Variants in MAP3K13 observed in about 807,000 individuals in gnomAD.
The protein encoded by MAP3K13 is leucine zipper-bearing kinase.
MAP3K13 carries 52 observed loss-of-function variants against 104.0 expected under a neutral mutation model. That is an observed-to-expected ratio of 0.50 (90% CI 0.40 to 0.63). MAP3K13 has a LOEUF of 0.63. Among genes scored for constraint, MAP3K13 ranks in the 20% least tolerant of loss-of-function variants. MAP3K13 has a pLI of 0.00. For synonymous variants in MAP3K13, 394 were observed against 442.2 expected (o/e 0.89, Z 1.37); for missense variants, 914 against 1,218.5 (o/e 0.75, Z 3.72).
chr3:185,462,494 C>T (rs1347716504), intron 7 of MAP3K13, among the ~76,000 whole-genome samples: 2 of 151,986 alleles, frequency 1.3e-5, no homozygotes, highest in Non-Finnish European at 2.9e-5. Flanking sequence ...AAAACAGGGC[C>T]GGGTGCGGTG....
upstream of MAP3K13, among the ~76,000 whole-genome samples, chr3:185,359,604 A>G (rs1723521252): frequency 6.6e-6 from 1 of 152,172 alleles, no homozygotes; most frequent in African/African-American, 2.4e-5. Context: ...AAATCTTTAC[A>G]TGTGTTATAA....
chr3:185,418,308 T>C lies in MAP3K13; in HGVS notation c.-85-10189T>C. ...CCTTGGTCTTCTTGTAGCCTTCAACTTTATCTTCAAATACCAAAGGAAGTT... is the reference window on the plus strand; with the variant it reads ...CCTTGGTCTTCTTGTAGCCTTCAACCTTATCTTCAAATACCAAAGGAAGTT... On this transcript the variant is annotated intron_variant, in intron 1 of 13. Transcript: ENST00000265026. This position sits in a 1 kb window ranked among gnomAD's most constrained non-coding sequence, Gnocchi z 4.5. 2 of 1,583,088 alleles carry C rather than the reference T, an allele frequency of 1.3e-6. No homozygotes were observed. The highest frequency in any genetic ancestry group is 1.7e-6 in the Non-Finnish European group (2 of 1,153,608).
At chr3:185,353,409 T>C (rs1477796065) in intron 2 of MAP3K13, among the ~76,000 whole-genome samples, 1 of 152,230 alleles carries the variant, frequency 6.6e-6, no homozygotes, top group Non-Finnish European at 1.5e-5. Flanking sequence ...GCTCAGTATT[T>C]GCCTTATTTG....
chr3:185,291,903 C>CAAA (rs139816082), intron 2 of MAP3K13: 1,403 of 910,944 alleles, frequency 1.5e-3, no homozygotes, highest in East Asian at 5.1e-3. Context: ...CAGTGCTTTC[C>CAAA]AAAAAAAAAA....
At position 185,330,978 on chromosome 3, in the gene MAP3K13, C is replaced by G. The variant is rs145025336; in HGVS notation, c.-86+45335C>G. Among the ~76,000 whole-genome samples, 175 of 152,178 alleles carry G rather than the reference C, an allele frequency of 1.1e-3. 1 individual carries two copies. The highest frequency in any genetic ancestry group is 3.9e-3 in the African/African-American group (163 of 41,532). On this transcript the variant is annotated intron_variant, in intron 2 of 14. Transcript: ENST00000424227. ...TCATTGTTTCTTCCCAGCCTTCATT[C>G]GGGTCTCTATTCAAATAGCTCCTCC...
chr3:185,318,855 A>T (rs1044221172), intron 2 of MAP3K13, among the ~76,000 whole-genome samples: 12 of 152,222 alleles, frequency 7.9e-5, no homozygotes, highest in African/African-American at 2.9e-4. Flanking sequence ...CTATACAGAG[A>T]ACATTTGTGT....
At chr3:185,308,750 C>A (rs558966482) in intron 2 of MAP3K13, among the ~76,000 whole-genome samples, 2 of 152,202 alleles carry the variant, frequency 1.3e-5, no homozygotes, top group African/African-American at 4.8e-5. Context: ...CTATCCTTTT[C>A]TTTCCCTTCT....
intron 7 of MAP3K13, among the ~76,000 whole-genome samples, chr3:185,455,512 A>ACATATATAT (rs1246627740): frequency 1.3e-4 from 2 of 15,424 alleles, no homozygotes; most frequent in South Asian, 3.0e-3. Context: ...GATATATATG[A>ACATATATAT]GATATATATG....
intron 2 of MAP3K13, among the ~76,000 whole-genome samples, chr3:185,346,369 T>G (rs941542270): frequency 1.3e-5 from 2 of 152,226 alleles, no homozygotes; most frequent in Non-Finnish European, 2.9e-5. Context: ...ATGTATGATC[T>G]GTATCCTTCA....
intron 1 of MAP3K13, 77 bp from the exon 2 acceptor site, chr3:185,428,420 T>C: frequency 1.1e-6 from 1 of 952,288 alleles, no homozygotes; most frequent in East Asian, 2.8e-5. Context: ...TTTCAGTTTT[T>C]TTTAATGCAA....
intron 1 of MAP3K13, among the ~76,000 whole-genome samples, chr3:185,419,210 C>T (rs573359039): frequency 2.0e-5 from 3 of 152,112 alleles, no homozygotes; most frequent in Non-Finnish European, 2.9e-5. Flanking sequence ...CCATGTTGGC[C>T]AGGCTGGTCT....
intron 3 of MAP3K13, among the ~76,000 whole-genome samples, chr3:185,439,419 GCAGA>G (rs1265955673): frequency 1.3e-5 from 2 of 151,992 alleles, no homozygotes; most frequent in Admixed American, 1.3e-4. Flanking sequence ...ATTATTTCAA[GCAGA>G]CAGACAAACA....
intron 1 of MAP3K13, among the ~76,000 whole-genome samples, chr3:185,410,700 C>T (rs1172390195): frequency 4.0e-5 from 6 of 151,880 alleles, no homozygotes; most frequent in East Asian, 1.9e-4. Flanking sequence ...TTTGGGAGGC[C>T]GAGGTGGGTG....
intron 1 of MAP3K13, among the ~76,000 whole-genome samples, chr3:185,380,159 C>A (rs1724635313): frequency 6.6e-6 from 1 of 150,868 alleles, no homozygotes; most frequent in East Asian, 2.0e-4. Context: ...GCCCTACAGC[C>A]TAGGCGACAA....
chr3:185,368,804 A>G (rs1181626774), intron 1 of MAP3K13, among the ~76,000 whole-genome samples: 1 of 152,008 alleles, frequency 6.6e-6, no homozygotes, highest in Non-Finnish European at 1.5e-5. Flanking sequence ...TAAAAATACA[A>G]AAAAATTAGC....
intron 2 of MAP3K13, among the ~76,000 whole-genome samples, chr3:185,313,299 G>A (rs1252704866): frequency 1.4e-5 from 2 of 138,846 alleles, no homozygotes; most frequent in African/African-American, 2.7e-5. Flanking sequence ...AAATGGAGTC[G>A]CACTCTTTCA....
At chr3:185,344,500 A>C (rs185581029) in intron 2 of MAP3K13, among the ~76,000 whole-genome samples, 16 of 152,320 alleles carry the variant, frequency 1.1e-4, no homozygotes, top group Admixed American at 6.5e-4. Context: ...TACACTATAC[A>C]TGGCAGTAGA....
chr3:185,437,315 G>C, intron 2 of MAP3K13, 132 bp from the exon 3 acceptor site: 1 of 677,034 alleles, frequency 1.5e-6, no homozygotes, highest in Non-Finnish European at 2.5e-6. Flanking sequence ...ACATAGGAAG[G>C]TTCTATCTTT....
chr3:185,338,603 C>G (rs1722599944), intron 2 of MAP3K13, among the ~76,000 whole-genome samples: 1 of 151,982 alleles, frequency 6.6e-6, no homozygotes, highest in Admixed American at 6.6e-5. Context: ...ACAGAAGTTG[C>G]CTTCATTATA....
Sources: allele counts gnomAD v4.1 joint callset (sites outside exome capture counted in the v4.1 genomes callset), GRCh38; gene constraint gnomAD v4.1.1; non-coding constraint Gnocchi (gnomAD v3.1); transcripts MANE v1.5; gene names NCBI Gene and HGNC (gene_info 2026-07-23, HGNC 2026-07-21).